Variants in SLC25A41 observed in about 807,000 individuals in gnomAD.
The protein encoded by SLC25A41 is solute carrier family 25 member 41.
In SLC25A41, 35 loss-of-function variants were observed where a neutral mutation model predicts 34.7. That is an observed-to-expected ratio of 1.01 (90% CI 0.77 to 1.34). SLC25A41 has a LOEUF of 1.34. Among genes scored for constraint, SLC25A41 ranks in the 40% most tolerant of loss-of-function variants. The pLI is 0.00. For missense variants in SLC25A41, 492 were observed against 489.8 expected, an observed-to-expected ratio of 1.00 and a Z score of -0.04; for synonymous variants, 190 against 209.9, an observed-to-expected ratio of 0.91 and a Z score of 0.82.
chr19:6,435,101 G>T (rs758716234), upstream of SLC25A41, among the ~76,000 whole-genome samples: 13 of 151,760 alleles, frequency 8.6e-5, no homozygotes, highest in Non-Finnish European at 1.8e-4. Flanking sequence ...GTCCATGCCT[G>T]TGGTCCCAGC....
chr19:6,430,040 T>C lies in SLC25A41; in HGVS notation c.485A>G (p.Glu162Gly), dbSNP rs367832816. 6.2e-7 allele frequency: 1 copy of C among 1,612,494 alleles called. No homozygotes were observed. Among genetic ancestry groups the C allele is most frequent in the South Asian group, 1.1e-5 (1 of 90,816 alleles). Residue 162 changes from glutamate to glycine, a missense_variant, in exon 3 of 7, where the codon GAG (glutamate) becomes GGG (glycine). Transcript: ENST00000321510. ...GAATACGGAGAACTTGATGGCATAC[T>C]CAGGAGCAATCTTGAGCACGTTGAT... ...NGINVLKIAP[E>G]YAIKFSVFEQ...
Position 6,426,249 on chromosome 19 carries a change from C to A in SLC25A41, c.*140G>T. On this transcript the variant is annotated 3_prime_UTR_variant, in exon 7 of 7. Transcript: ENST00000321510. ...TCAGGAATCTTCTGACCCAGAGCCC[C>A]ACCCCCACCCCCAGCCTGCTTTTGC... 1 of 553,358 alleles carries A rather than the reference C, an allele frequency of 1.8e-6. No homozygotes were observed. 34.3% of individuals were successfully genotyped at this position (553,358 alleles called of 1,614,324 possible).
chr19:6,426,484 A>ACAGCCCTAGC lies in SLC25A41; in HGVS notation c.1008_1017dup (p.Tyr340AlafsTer44), dbSNP rs780464091. 6.2e-7 allele frequency: 1 copy of ACAGCCCTAGC among 1,613,644 alleles called. No homozygotes were observed. The highest frequency in any genetic ancestry group is 1.1e-5 in the South Asian group (1 of 91,092). On this transcript the variant is annotated frameshift_variant, in exon 7 of 7. Transcript: ENST00000321510. LOFTEE classifies it high-confidence loss of function. ...AGTAGCGTGGGGGTCATGCCTCGGT[A>ACAGCCCTAGC]CAGCCCTAGCCAGCCCTGCTGGGCC...
upstream of SLC25A41, among the ~76,000 whole-genome samples, chr19:6,434,135 G>A (rs1367339018): frequency 6.6e-6 from 1 of 152,100 alleles, no homozygotes; most frequent in Non-Finnish European, 1.5e-5. Context: ...AGTAGAGACG[G>A]GGTTTCACCG....
chr19:6,426,198 C>T lies in SLC25A41; in HGVS notation c.*191G>A. On this transcript the variant is annotated 3_prime_UTR_variant, in exon 7 of 7. Coordinates refer to ENST00000321510, the MANE Select transcript of SLC25A41 (RefSeq NM_173637.4). The stretch of plus-strand genomic sequence containing the variant: ...GGAGTTTTCTGACCCAGCACTGCCC[C>T]CCTCCACCCACCACCAACCCCAGCT... The T allele has an allele frequency of 1.7e-6, 1 of 604,526 alleles. No homozygotes were observed. Among genetic ancestry groups the T allele is most frequent in the East Asian group, 2.8e-5 (1 of 35,426 alleles). 37.4% of individuals were successfully genotyped at this position (604,526 alleles called of 1,614,324 possible). A position where few individuals can be genotyped will look rare whatever the true frequency, so the allele number is the denominator to read the frequency against.
chr19:6,428,676 A>G (rs1228919322), intron 4 of SLC25A41, among the ~76,000 whole-genome samples: 2 of 147,204 alleles, frequency 1.4e-5, no homozygotes, highest in African/African-American at 2.5e-5. Flanking sequence ...TAAGTAAGGT[A>G]TATAATATAT....
rs186915284 is a variant in SLC25A41 at position 6,428,523 on chromosome 19, A to G, written c.625-1022T>C. On this transcript the variant is annotated intron_variant, in intron 4 of 6. Transcript: ENST00000321510. The stretch of plus-strand genomic sequence containing the variant: ...ACATATTATATATGTATTATTATAC[A>G]TTATGCATATATTATATATAACATG... Among the ~76,000 whole-genome samples, 39 of 147,944 alleles carry G rather than the reference A, an allele frequency of 2.6e-4. No homozygotes were observed. The East Asian group carries it at 6.6e-3, about 25-fold the overall frequency.
chr19:6,426,263 GCCTGC>G lies in SLC25A41; in HGVS notation c.*121_*125del. On this transcript the variant is annotated 3_prime_UTR_variant, in exon 7 of 7. Coordinates refer to ENST00000321510, the MANE Select transcript of SLC25A41 (RefSeq NM_173637.4). ...ACCCAGAGCCCCACCCCCACCCCCA[GCCTGC>G]TTTTGCCACCAAAAACTGCCCCAGG... 1.7e-4 allele frequency: 16 copies of G among 92,060 alleles called. No individual in the cohort carries two copies. Among genetic ancestry groups the G allele is most frequent in the Non-Finnish European group, 2.9e-4 (14 of 48,226 alleles). The allele number at this position is 92,060 out of a possible 1,614,324, so 5.7% of individuals were successfully genotyped here.
At chr19:6,431,955 G>T in intron 2 of SLC25A41, 94 bp downstream of exon 2, 1 of 1,470,642 alleles carries the variant, frequency 6.8e-7, no homozygotes, top group South Asian at 1.4e-5. Flanking sequence ...CTCCTATCCT[G>T]AACTCCATCC....
At chr19:6,429,940 G>T in intron 3 of SLC25A41, 69 bp downstream of exon 3, 1 of 1,592,866 alleles carries the variant, frequency 6.3e-7, no homozygotes, top group Admixed American at 1.8e-5. Context: ...TTGAACAAGG[G>T]CCTGGAGTTT....
At chr19:6,426,730 G>GA (rs2092243666) in intron 6 of SLC25A41, among the ~76,000 whole-genome samples, 169 bp from the exon 7 acceptor site, 1 of 152,162 alleles carries the variant, frequency 6.6e-6, no homozygotes. Flanking sequence ...AGGAGTGGGG[G>GA]AGTTTCTGAG....
chr19:6,432,686 G>C (rs546737466), intron 1 of SLC25A41, among the ~76,000 whole-genome samples: 1 of 151,516 alleles, frequency 6.6e-6, no homozygotes, highest in South Asian at 2.1e-4. Flanking sequence ...TGTCCCCCTG[G>C]TTCAAGCGAT....
upstream of SLC25A41, among the ~76,000 whole-genome samples, chr19:6,434,267 A>G (rs947295563): frequency 5.9e-5 from 9 of 152,078 alleles, no homozygotes; most frequent in African/African-American, 2.2e-4. Flanking sequence ...TTGAAGCCCT[A>G]TTTCCCAGTG....
In SLC25A41 at chr19:6,426,517, G is replaced by C; in HGVS notation, c.985C>G (p.Arg329Gly). 6.2e-7 allele frequency: 1 copy of C among 1,613,418 alleles called. No individual in the cohort carries two copies. The highest frequency in any genetic ancestry group is 1.1e-5 in the South Asian group (1 of 91,090). ...SNPTMRGVLQRILAQQGWLGL... is the reference protein window; with the variant it reads ...SNPTMRGVLQGILAQQGWLGL... The stretch of plus-strand genomic sequence containing the variant: ...AGCCAGCCCTGCTGGGCCAGGATCC[G>C]CTGGAGGACTCCGCGCATGGTGGGA... The change falls in exon 7 of 7, where the codon CGG becomes GGG. Residue 329 changes from arginine to glycine, a missense_variant. Transcript: ENST00000321510.
rs117023686 is a variant in SLC25A41, at chr19:6,431,229, G to T, written c.363+820C>A. ...TAAGCTCAAGTAATCCTCCCTCCTT[G>T]GCCTCCCAAAGTGAGCCACTGCACC... On this transcript the variant is annotated intron_variant, in intron 2 of 6. Coordinates refer to ENST00000321510, the MANE Select transcript of SLC25A41 (RefSeq NM_173637.4). Among the ~76,000 whole-genome samples the T allele has an allele frequency of 7.9e-3, 1,194 of 151,622 alleles. 11 individuals are homozygous for T. The highest frequency in any genetic ancestry group is 0.013 in the Non-Finnish European group (896 of 67,914).
chr19:6,436,186 T>A, upstream of SLC25A41: 1 of 264,908 alleles, frequency 3.8e-6, no homozygotes, highest in Admixed American at 4.1e-5. Flanking sequence ...CTCACCCATA[T>A]TCTGAGCATT....
At chr19:6,433,805 A>C, upstream of SLC25A41, 1 of 922,874 alleles carries the variant, frequency 1.1e-6, no homozygotes, top group Non-Finnish European at 1.6e-6. Context: ...AGGAGGATGA[A>C]GTCACAAACG....
rs376971367 is a variant in SLC25A41, at chr19:6,433,597, G to A, written c.97C>T (p.Pro33Ser). The A allele has an allele frequency of 3.7e-6, 6 of 1,611,300 alleles. No individual in the cohort carries two copies. In the African/African-American group the frequency reaches 8.0e-5, roughly 22 times the overall value. The change falls in exon 1 of 7, where the codon CCC becomes TCC. Residue 33 changes from proline (P) to serine (S), a missense_variant. Coordinates refer to ENST00000321510, the MANE Select transcript of SLC25A41 (RefSeq NM_173637.4). ...KTLLIKAPPPPQPPPPPPSWN... is the reference protein window; with the variant it reads ...KTLLIKAPPPSQPPPPPPSWN... ...GATGGGGGTGGAGGCGGAGGTTGGG[G>A]GGGAGGCGGGGCTTTGATGAGTAAG...
intron 4 of SLC25A41, among the ~76,000 whole-genome samples, chr19:6,429,135 T>TATATATATA: frequency 4.2e-5 from 1 of 23,892 alleles, no homozygotes; most frequent in African/African-American, 1.8e-4. Flanking sequence ...ATATGTTATA[T>TATATATATA]ATATATATAA....
Sources: gnomAD v4.1 joint callset for allele counts (sites outside exome capture counted in the v4.1 genomes callset) on GRCh38, gnomAD v4.1.1 for gene constraint, MANE v1.5 for transcripts, NCBI Gene and HGNC (gene_info 2026-07-23, HGNC 2026-07-21) for gene names.